RGP1: variants seen among roughly 807,000 people sequenced by gnomAD.
The protein encoded by RGP1 is RGP1 partner of RAB6A GEF complex.
A neutral mutation model predicts 44.5 loss-of-function variants in RGP1; 28 were observed. The observed-to-expected ratio is 0.63, with a 90% CI of 0.47 to 0.86. The LOEUF is 0.86. Ranked by LOEUF, RGP1 falls within the 40% of genes least tolerant of loss-of-function variation. The probability of loss-of-function intolerance (pLI) is 0.00; values close to 1 mark genes in which losing one functional copy is unlikely to be tolerated. For missense variants in RGP1, 417 were observed against 490.7 expected (o/e 0.85, Z 1.42); for synonymous variants, 212 against 196.7 (o/e 1.08, Z -0.65).
At position 35,749,653 on chromosome 9, in the gene RGP1, T is replaced by C; in HGVS notation, c.-19-84T>C. The C allele has an allele frequency of 1.2e-6, 1 of 812,326 alleles. No individual in the cohort carries two copies. The highest frequency in any genetic ancestry group is 2.1e-6 in the Non-Finnish European group (1 of 473,592). The allele number at this position is 812,326 out of a possible 1,614,324, so 50.3% of individuals were successfully genotyped here. A position where few individuals can be genotyped will look rare whatever the true frequency, so the allele number is the denominator to read the frequency against. The stretch of plus-strand genomic sequence containing the variant: ...GGCACCACGGTGCTGACCACCCCTG[T>C]CCTCAGCCCTCAGCCCTAGGTGCTC... On this transcript the variant is annotated intron_variant, in intron 1 of 8. Coordinates refer to ENST00000378078, the MANE Select transcript of RGP1 (RefSeq NM_001080496.3). The surrounding 1 kb of genome is among the most constrained non-coding windows in gnomAD (Gnocchi z 4.4).
At chr9:35,751,926 T>C in intron 7 of RGP1, 30 bp from the exon 8 acceptor site, 1 of 1,560,654 alleles carries the variant, frequency 6.4e-7, no homozygotes, top group Non-Finnish European at 8.7e-7. Flanking sequence ...CAGCACTTCC[T>C]GTTAGCACAC....
Position 35,750,713 on chromosome 9 carries a change from G to C in RGP1, c.309G>C (p.Leu103=). The C allele has an allele frequency of 6.2e-7, 1 of 1,614,020 alleles. No individual in the cohort carries two copies. The highest frequency in any genetic ancestry group is 1.6e-4 in the Middle Eastern group (1 of 6,062). ...CACCGAAAATTCTATTCTGTGACCT[G>C]AGGCTTGATCCTGGAGAGTCCAAAT... ...STPPKILFCD[L]RLDPGESKSY... is the part of the protein sequence containing the mutation. The change falls in exon 4 of 9, where the codon CTG becomes CTC. Residue 103 remains leucine, a synonymous_variant. Transcript: ENST00000378078.
chr9:35,778,181 A>T, the RGP1 span, among the ~76,000 whole-genome samples: 2 of 152,168 alleles, frequency 1.3e-5, no homozygotes, highest in African/African-American at 4.8e-5. Flanking sequence ...GCATGCCTGT[A>T]ATCCCAGCTA....
chr9:35,779,270 C>T, the RGP1 span, among the ~76,000 whole-genome samples: 1 of 152,156 alleles, frequency 6.6e-6, no homozygotes, highest in Non-Finnish European at 1.5e-5. Context: ...TAAAAGATGA[C>T]TGAAGGGAGG....
downstream of RGP1, among the ~76,000 whole-genome samples, chr9:35,762,594 C>G (rs775894882): frequency 4.6e-5 from 7 of 152,182 alleles, no homozygotes; most frequent in Non-Finnish European, 8.8e-5. Context: ...CTAGGCACCT[C>G]TGTCAATTTT....
In RGP1 at chr9:35,750,332, A is replaced by G. The variant is rs1260707274; in HGVS notation, c.206A>G (p.Gln69Arg). Reference protein sequence around the residue: ...RVALPPPDSSQPDVQPDSQTV... With the variant: ...RVALPPPDSSRPDVQPDSQTV... Reference sequence around the variant, plus strand: ...GCACTGCCTCCTCCTGACTCTAGTCAGCCAGATGTCCAGCCCGACAGCCAG... The same window carrying G: ...GCACTGCCTCCTCCTGACTCTAGTCGGCCAGATGTCCAGCCCGACAGCCAG... Residue 69 changes from glutamine (Q) to arginine (R), a missense_variant, in exon 3 of 9, where the codon CAG becomes CGG. Transcript: ENST00000378078. 6.2e-7 allele frequency: 1 copy of G among 1,613,898 alleles called. No homozygotes were observed. The highest frequency in any genetic ancestry group is 1.3e-5 in the African/African-American group (1 of 74,936).
At chr9:35,790,006 T>C in the RGP1 span, 1 of 153,916 alleles carries the variant, frequency 6.5e-6, no homozygotes, top group South Asian at 2.1e-4. Context: ...CTTTCAGGAA[T>C]TTTGTCATTT....
In RGP1 at chr9:35,754,077, C is replaced by T; in HGVS notation, c.*1203C>T. 1 of 1,613,618 alleles carries T rather than the reference C, an allele frequency of 6.2e-7. No homozygotes were observed. Among genetic ancestry groups the T allele is most frequent in the Non-Finnish European group, 8.5e-7 (1 of 1,179,732 alleles). On this transcript the variant is annotated 3_prime_UTR_variant, in exon 9 of 9. Transcript: ENST00000378078. The stretch of plus-strand genomic sequence containing the variant: ...AGACATCACCAAGCAGATGATCCCC[C>T]AGCCTCCTAGGATCCCCTTGGCCTG...
Position 35,754,358 on chromosome 9 carries a change from T to G in RGP1, c.*1484T>G, listed in dbSNP as rs550272982. 1.3e-5 allele frequency: 6 copies of G among 446,428 alleles called. No individual in the cohort carries two copies. In the Admixed American group the frequency reaches 2.4e-4, roughly 18 times the overall value. 27.7% of individuals were successfully genotyped at this position (446,428 alleles called of 1,614,324 possible). ...GAGCTGGAAAAGTTGTAACTCTGTT[T>G]CCTGAGGTGAGGGCATGAAAACAAG... On this transcript the variant is annotated 3_prime_UTR_variant, in exon 9 of 9. Transcript: ENST00000378078.
chr9:35,787,710 A>G, the RGP1 span, among the ~76,000 whole-genome samples: 1 of 152,362 alleles, frequency 6.6e-6, no homozygotes, highest in East Asian at 1.9e-4. Context: ...AGAATGCAGA[A>G]TTTGAGTAAA....
the RGP1 span, among the ~76,000 whole-genome samples, chr9:35,786,272 C>T: frequency 6.6e-6 from 1 of 152,194 alleles, no homozygotes; most frequent in Non-Finnish European, 1.5e-5. Context: ...CCTCTTGCCA[C>T]TTTTTCCTCA....
the RGP1 span, among the ~76,000 whole-genome samples, chr9:35,778,066 G>A: frequency 4.1e-4 from 63 of 152,294 alleles, no homozygotes; most frequent in East Asian, 5.8e-3. Flanking sequence ...TTGGGAAGCC[G>A]AGGTGGGCAG....
downstream of RGP1, among the ~76,000 whole-genome samples, chr9:35,759,460 G>A (rs1252156754): frequency 5.3e-5 from 8 of 150,440 alleles, no homozygotes; most frequent in Non-Finnish European, 1.0e-4. Context: ...TACTCTGGAG[G>A]CTGGGATGGG....
Position 35,754,484 on chromosome 9 carries a change from G to C in RGP1, c.*1610G>C, listed in dbSNP as rs1333598370. The C allele has an allele frequency of 5.6e-6, 1 of 178,774 alleles. No individual in the cohort carries two copies. The highest frequency in any genetic ancestry group is 6.2e-5 in the Admixed American group (1 of 16,228). 11.1% of individuals were successfully genotyped at this position (178,774 alleles called of 1,614,324 possible). The stretch of plus-strand genomic sequence containing the variant: ...GGGCACTGGACTGGGCACTTCCCCA[G>C]CAAGGAGGCAGGAGGGGCGAGGGCC... On this transcript the variant is annotated 3_prime_UTR_variant, in exon 9 of 9. Coordinates refer to ENST00000378078, the MANE Select transcript of RGP1 (RefSeq NM_001080496.3).
At chr9:35,784,081 G>A in the RGP1 span, among the ~76,000 whole-genome samples, 1 of 152,056 alleles carries the variant, frequency 6.6e-6, no homozygotes, top group Admixed American at 6.6e-5. Flanking sequence ...CCATTTGTAT[G>A]TCTTCTTTTG....
chr9:35,759,750 C>T (rs1299557687), downstream of RGP1, among the ~76,000 whole-genome samples: 3 of 151,470 alleles, frequency 2.0e-5, no homozygotes, highest in African/African-American at 7.3e-5. Context: ...AATTTTTTTC[C>T]TTTCTGATAT....
rs1348653266 is a variant in RGP1 at position 35,754,128 on chromosome 9, A to G, written c.*1254A>G. On this transcript the variant is annotated 3_prime_UTR_variant, in exon 9 of 9. Coordinates refer to ENST00000378078, the MANE Select transcript of RGP1 (RefSeq NM_001080496.3). ...TCCAGCCCAGAGCATCCTTAGGGCC[A>G]TTGCTGCTGCACAGCCCTCTCAGAC... 6.2e-7 allele frequency: 1 copy of G among 1,612,200 alleles called. No homozygotes were observed. Among genetic ancestry groups the G allele is most frequent in the Non-Finnish European group, 8.5e-7 (1 of 1,178,960 alleles).
the RGP1 span, among the ~76,000 whole-genome samples, chr9:35,764,432 T>TA: frequency 6.6e-6 from 1 of 152,352 alleles, no homozygotes; most frequent in South Asian, 2.1e-4. Context: ...TTAATCTCTA[T>TA]AATGATTTGT....
rs1036274092 is a variant in RGP1 at position 35,752,975 on chromosome 9, C to T, written c.*101C>T. ...TCCACCTGGGGTCCAATGTCGTGGA[C>T]AGTGAGAGTCGGGCTTTCAGCTATA... On this transcript the variant is annotated 3_prime_UTR_variant, in exon 9 of 9. Coordinates refer to ENST00000378078, the MANE Select transcript of RGP1 (RefSeq NM_001080496.3). 7.0e-5 allele frequency: 106 copies of T among 1,524,768 alleles called. No homozygotes were observed. The African/African-American group carries it at 1.3e-3, about 19-fold the overall frequency. The allele number at this position is 1,524,768 out of a possible 1,614,324, so 94.5% of individuals were successfully genotyped here.
Sources: gnomAD v4.1 joint callset for allele counts (sites outside exome capture counted in the v4.1 genomes callset) on GRCh38, gnomAD v4.1.1 for gene constraint, Gnocchi (gnomAD v3.1) non-coding constraint, MANE v1.5 for transcripts, NCBI Gene and HGNC (gene_info 2026-07-23, HGNC 2026-07-21) for gene names.